Variants in CFTR observed in about 807,000 individuals in gnomAD.
The protein encoded by CFTR is CF transmembrane conductance regulator.
In CFTR, 181 loss-of-function variants were observed where a neutral mutation model predicts 171.6. The ratio of observed to expected loss-of-function variants is 1.05; its 90% CI spans 0.93 to 1.19. CFTR has a LOEUF of 1.19. Ranked by LOEUF, CFTR falls within the 50% of genes most tolerant of loss-of-function variation. The probability of loss-of-function intolerance (pLI) is 0.00; values close to 1 mark genes in which losing one functional copy is unlikely to be tolerated. For synonymous variants in CFTR, 583 were observed against 608.0 expected (o/e 0.96, Z 0.60); for missense variants, 1,968 against 1,734.7 (o/e 1.13, Z -2.39).
At chr7:117,501,243 C>A (rs191592970) in intron 1 of CFTR, among the ~76,000 whole-genome samples, 1 of 152,090 alleles carries the variant, frequency 6.6e-6, no homozygotes, top group East Asian at 1.9e-4. Flanking sequence ...AGGTTCTTTT[C>A]TTTCCATCCA....
intron 21 of CFTR, among the ~76,000 whole-genome samples, chr7:117,619,855 C>T (rs1459084164): frequency 6.6e-6 from 1 of 151,948 alleles, no homozygotes; most frequent in African/African-American, 2.4e-5. Context: ...AGTTTTCTGT[C>T]AATACAAACT....
rs762888022 is a variant in CFTR at position 117,592,193 on chromosome 7, C to T, written c.2026C>T (p.Pro676Ser). 6.8e-6 allele frequency: 11 copies of T among 1,613,688 alleles called. No homozygotes were observed. Among genetic ancestry groups the T allele is most frequent in the Non-Finnish European group, 8.5e-6 (10 of 1,179,930 alleles). The change falls in exon 14 of 27, where the codon CCT becomes TCT. Residue 676 changes from proline to serine, a missense_variant. Pro to Ser is a moderately conservative substitution (Grantham distance 74, BLOSUM62 -1). Transcript: ENST00000003084. ...CCGTTTCTCATTAGAAGGAGATGCTCCTGTCTCCTGGACAGAAACAAAAAA... is the reference window on the plus strand; with the variant it reads ...CCGTTTCTCATTAGAAGGAGATGCTTCTGTCTCCTGGACAGAAACAAAAAA... ...LHRFSLEGDA[P>S]VSWTETKKQS...
Position 117,529,515 on chromosome 7 carries a change from A to T in CFTR, c.274-1384A>T, listed in dbSNP as rs944695963. ...CATGTACCCTAAAACTTAGAGTATA[A>T]AAAAAAAAAAAAAAAAAGTTTGAAT... is the stretch of plus-strand genomic sequence containing the variant. On this transcript the variant is annotated intron_variant, in intron 3 of 26. Coordinates refer to ENST00000003084, the MANE Select transcript of CFTR (RefSeq NM_000492.4). Among the ~76,000 whole-genome samples the T allele has an allele frequency of 4.7e-4, 27 of 57,046 alleles. No individual in the cohort carries two copies. In the African/African-American group the frequency reaches 5.9e-3, roughly 13 times the overall value. 37.4% of individuals were successfully genotyped at this position (57,046 alleles called of 152,430 possible).
At chr7:117,664,935 A>G (rs1157713479) in intron 25 of CFTR, 75 bp downstream of exon 25, 1 of 1,484,078 alleles carries the variant, frequency 6.7e-7, no homozygotes, top group African/African-American at 1.4e-5. Context: ...GGTGACACAT[A>G]TTTCTATTAG....
At chr7:117,567,356 C>T (rs989576532) in intron 11 of CFTR, among the ~76,000 whole-genome samples, 3 of 152,138 alleles carry the variant, frequency 2.0e-5, no homozygotes, top group Non-Finnish European at 2.9e-5. Flanking sequence ...GCTTCTGACT[C>T]TATAGCCATA....
chr7:117,541,964 C>A, intron 8 of CFTR, 52 bp from the exon 9 acceptor site: 2 of 823,298 alleles, frequency 2.4e-6, no homozygotes, highest in Non-Finnish European at 4.3e-6. Context: ...TGTAATAATG[C>A]ATTAATGCTA....
chr7:117,661,914 A>G (rs1793294184), intron 24 of CFTR, among the ~76,000 whole-genome samples: 1 of 150,472 alleles, frequency 6.6e-6, no homozygotes, highest in South Asian at 2.1e-4. Context: ...GGGCAGATTC[A>G]AAGCTGATTG....
In CFTR at chr7:117,504,276, A is replaced by T. The variant is rs1798377816; in HGVS notation, c.77A>T (p.Lys26Ile). The change falls in exon 2 of 27, where the codon AAA becomes ATA. Residue 26 changes from lysine to isoleucine, a missense_variant. By Grantham distance (102) the Lys-to-Ile change is moderately radical. Transcript: ENST00000003084. ...AGCTGGACCAGACCAATTTTGAGGA[A>T]AGGATACAGACAGCGCCTGGAATTG... Reference protein sequence around the residue: ...FFSWTRPILRKGYRQRLELSD... With the variant: ...FFSWTRPILRIGYRQRLELSD... The T allele has an allele frequency of 6.2e-7, 1 of 1,610,568 alleles. No individual in the cohort carries two copies. Among genetic ancestry groups the T allele is most frequent in the Admixed American group, 1.7e-5 (1 of 59,984 alleles).
Position 117,480,144 on chromosome 7 carries a change from T to C in CFTR, c.50T>C (p.Phe17Ser). Reference sequence around the variant, plus strand: ...GCCAGCGTTGTCTCCAAACTTTTTTTCAGGTGAGAAGGTGGCCAACCGAGC... The same window carrying C: ...GCCAGCGTTGTCTCCAAACTTTTTTCCAGGTGAGAAGGTGGCCAACCGAGC... The part of the protein sequence containing the change: ...EKASVVSKLF[F>S]SWTRPILRKG... Residue 17 changes from phenylalanine (F) to serine (S), a missense_variant, in exon 1 of 27, where the codon TTC becomes TCC. Physicochemically the swap from Phe to Ser is radical, Grantham distance 155. Coordinates refer to ENST00000003084, the MANE Select transcript of CFTR (RefSeq NM_000492.4). The C allele has an allele frequency of 6.2e-7, 1 of 1,613,698 alleles. No individual in the cohort carries two copies. Among genetic ancestry groups the C allele is most frequent in the African/African-American group, 1.3e-5 (1 of 74,948 alleles).
At chr7:117,485,902 A>AT (rs1029844092) in intron 1 of CFTR, among the ~76,000 whole-genome samples, 5 of 152,116 alleles carry the variant, frequency 3.3e-5, no homozygotes, top group African/African-American at 1.2e-4. Flanking sequence ...TTTAATAAAG[A>AT]TTTTTTTGTG....
At chr7:117,560,044 TATTAAG>T (rs1799435761) in intron 11 of CFTR, among the ~76,000 whole-genome samples, 1 of 151,860 alleles carries the variant, frequency 6.6e-6, no homozygotes, top group Non-Finnish European at 1.5e-5. Context: ...CTCCAAAAAT[TATTAAG>T]ATTATTTTAA....
At position 117,667,252 on chromosome 7, in the gene CFTR, C is replaced by T. The variant is rs149810643; in HGVS notation, c.*144C>T. ...ATTAAGTTTTTTTTTAAAAAAGAAA[C>T]ATTTGGTAAGGGGAATTGAGGACAC... On this transcript the variant is annotated 3_prime_UTR_variant, in exon 27 of 27. Coordinates refer to ENST00000003084, the MANE Select transcript of CFTR (RefSeq NM_000492.4). The T allele has an allele frequency of 5.1e-4, 398 of 786,406 alleles. No individual in the cohort carries two copies. The African/African-American group carries it at 5.7e-3, about 11-fold the overall frequency. The allele number at this position is 786,406 out of a possible 1,614,324, so 48.7% of individuals were successfully genotyped here. A position where few individuals can be genotyped will look rare whatever the true frequency, so the allele number is the denominator to read the frequency against.
At chr7:117,594,134 G>T (rs1274189020) in intron 14 of CFTR, among the ~76,000 whole-genome samples, 2 of 152,126 alleles carry the variant, frequency 1.3e-5, no homozygotes, top group Non-Finnish European at 2.9e-5. Flanking sequence ...CAACATGCTT[G>T]AATTCAAGCA....
chr7:117,490,578 CTTTAA>C (rs1798145855), intron 1 of CFTR, among the ~76,000 whole-genome samples: 2 of 151,998 alleles, frequency 1.3e-5, no homozygotes, highest in Non-Finnish European at 2.9e-5. Flanking sequence ...GGGCAATCTG[CTTTAA>C]CCAAAGTTTA....
At chr7:117,584,308 T>C (rs1402136814) in intron 11 of CFTR, among the ~76,000 whole-genome samples, 1 of 152,228 alleles carries the variant, frequency 6.6e-6, no homozygotes, top group Non-Finnish European at 1.5e-5. Context: ...TTTTCTGGTC[T>C]TAGATTTAAG....
Position 117,610,522 on chromosome 7 carries a change from T to A in CFTR, c.2992T>A (p.Leu998Ile), listed in dbSNP as rs2116080345. Residue 998 changes from leucine (L) to isoleucine (I), a missense_variant, in exon 19 of 27, where the codon TTA (leucine) becomes ATA (isoleucine). By Grantham distance (5) the Leu-to-Ile change is conservative (BLOSUM62 2). Coordinates refer to ENST00000003084, the MANE Select transcript of CFTR (RefSeq NM_000492.4). ...CATGTTTTCTTTGATCTTACAGTTGTTATTAATTGTGATTGGAGCTATAGC... is the reference window on the plus strand; with the variant it reads ...CATGTTTTCTTTGATCTTACAGTTGATATTAATTGTGATTGGAGCTATAGC... ...PLTIFDFIQL[L>I]LIVIGAIAVV... 1 of 1,613,012 alleles carries A rather than the reference T, an allele frequency of 6.2e-7. No individual in the cohort carries two copies. Among genetic ancestry groups the A allele is most frequent in the Admixed American group, 1.7e-5 (1 of 59,952 alleles).
At chr7:117,576,280 T>TTG (rs1791768175) in intron 11 of CFTR, among the ~76,000 whole-genome samples, 2 of 152,102 alleles carry the variant, frequency 1.3e-5, no homozygotes, top group Admixed American at 6.6e-5. Flanking sequence ...AGATAGAAAA[T>TTG]ATTTAGAAAA....
intron 11 of CFTR, among the ~76,000 whole-genome samples, chr7:117,581,656 C>T (rs1791851740): frequency 6.6e-6 from 1 of 152,104 alleles, no homozygotes; most frequent in Admixed American, 6.6e-5. Context: ...AGCTGTTAGT[C>T]CAGTAATGGA....
chr7:117,650,399 T>A (rs1793072602), intron 23 of CFTR, among the ~76,000 whole-genome samples: 2 of 152,026 alleles, frequency 1.3e-5, no homozygotes, highest in South Asian at 4.2e-4. Flanking sequence ...AGGGGTAGAG[T>A]AGCTTTGAGA....
Sources: gnomAD v4.1 joint callset for allele counts (sites outside exome capture counted in the v4.1 genomes callset) on GRCh38, gnomAD v4.1.1 for gene constraint, MANE v1.5 for transcripts, NCBI Gene and HGNC (gene_info 2026-07-23, HGNC 2026-07-21) for gene names.